Variants in FMNL2 observed in about 807,000 individuals in gnomAD.
FMNL2 encodes the protein formin-like protein 2.
In FMNL2, 51 loss-of-function variants were observed where a neutral mutation model predicts 130.2. The ratio of observed to expected loss-of-function variants is 0.39; its 90% CI spans 0.31 to 0.49. The LOEUF (loss-of-function observed/expected upper bound fraction) is 0.49. FMNL2 is among the 20% of genes least tolerant of loss of function. The pLI is 0.85. For missense variants in FMNL2, 977 were observed against 1,316.2 expected (o/e 0.74, Z 3.99); for synonymous variants, 465 against 467.1 (o/e 1.00, Z 0.06).
intron 1 of FMNL2, among the ~76,000 whole-genome samples, chr2:152,395,103 T>A (rs562833428): frequency 3.3e-5 from 5 of 152,250 alleles, no homozygotes; most frequent in East Asian, 1.9e-4. Flanking sequence ...AGCTGTAATT[T>A]AAAAAAAATC....
At chr2:152,336,966 G>T (rs529134769) in intron 1 of FMNL2, among the ~76,000 whole-genome samples, 1 of 152,298 alleles carries the variant, frequency 6.6e-6, no homozygotes, top group South Asian at 2.1e-4. Flanking sequence ...TCTGAGGTGT[G>T]CTCAGCTACA....
intron 1 of FMNL2, among the ~76,000 whole-genome samples, chr2:152,375,237 C>T (rs1170575136): frequency 2.0e-5 from 3 of 152,190 alleles, no homozygotes; most frequent in Non-Finnish European, 4.4e-5. Context: ...CTCTCTGGAG[C>T]ACTGAACAGG....
rs147493104 is a variant in FMNL2, at chr2:152,629,509, A to G, written c.2401-147A>G. 1,072 of 685,676 alleles carry G rather than the reference A, an allele frequency of 1.6e-3. 7 individuals are homozygous for G. In the African/African-American group the frequency reaches 0.018, roughly 12 times the overall value. The allele number at this position is 685,676 out of a possible 1,614,324, so 42.5% of individuals were successfully genotyped here. On this transcript the variant is annotated intron_variant, in intron 18 of 25. Coordinates refer to ENST00000288670, the MANE Select transcript of FMNL2 (RefSeq NM_052905.4). Reference sequence around the variant, plus strand: ...ACCTAGCAAGACAATTAAATTTGTTATACTTAGAAAAAGTAGACTCTCACC... The same window carrying G: ...ACCTAGCAAGACAATTAAATTTGTTGTACTTAGAAAAAGTAGACTCTCACC...
intron 1 of FMNL2, among the ~76,000 whole-genome samples, chr2:152,521,029 A>G (rs1693059318): frequency 6.6e-6 from 1 of 152,212 alleles, no homozygotes; most frequent in Non-Finnish European, 1.5e-5. Flanking sequence ...ATAAATAGGT[A>G]TAATACTTTA....
chr2:152,569,142 G>T (rs1451567040), intron 6 of FMNL2, among the ~76,000 whole-genome samples: 1 of 145,516 alleles, frequency 6.9e-6, no homozygotes, highest in African/African-American at 2.6e-5. Flanking sequence ...TTTGTGATGG[G>T]TAGTGGTTTA....
chr2:152,530,321 CTT>C (rs1388142412), intron 2 of FMNL2, among the ~76,000 whole-genome samples: 1 of 152,134 alleles, frequency 6.6e-6, no homozygotes, highest in Non-Finnish European at 1.5e-5. Context: ...AACTCATACT[CTT>C]TGTTTGTAGA....
chr2:152,597,617 C>T (rs576197307), intron 9 of FMNL2, among the ~76,000 whole-genome samples: 1 of 152,342 alleles, frequency 6.6e-6, no homozygotes, highest in Non-Finnish European at 1.5e-5. Context: ...TGCTATGGCA[C>T]TGGCAGTATT....
At position 152,641,879 on chromosome 2, in the gene FMNL2, A is replaced by G. The variant is rs2105971426; in HGVS notation, c.3169+965A>G. On this transcript the variant is annotated intron_variant, in intron 25 of 25. Transcript: ENST00000288670. ...ATCCCTTAATATCAAATATCTAGTC[A>G]TTAGTTCACATTTCCCCAACTGTCC... Among the ~76,000 whole-genome samples the G allele has an allele frequency of 2.0e-5, 3 of 152,326 alleles. No homozygotes were observed. The Middle Eastern group carries it at 0.01, about 518-fold the overall frequency.
intron 9 of FMNL2, among the ~76,000 whole-genome samples, chr2:152,597,634 T>C (rs1035027287): frequency 1.3e-5 from 2 of 152,228 alleles, no homozygotes; most frequent in African/African-American, 4.8e-5. Flanking sequence ...TATTCACTCA[T>C]TGTTCCTTTT....
intron 1 of FMNL2, among the ~76,000 whole-genome samples, chr2:152,441,809 T>C (rs2106132409): frequency 6.7e-6 from 1 of 148,994 alleles, no homozygotes; most frequent in Non-Finnish European, 1.5e-5. Flanking sequence ...CACTCCAGCC[T>C]GGGCAACAGA....
chr2:152,615,732 CA>C (rs1172181705), intron 12 of FMNL2, among the ~76,000 whole-genome samples: 2 of 152,150 alleles, frequency 1.3e-5, no homozygotes, highest in African/African-American at 4.8e-5. Flanking sequence ...TTATGAAGAC[CA>C]AATTCTTTTG....
At chr2:152,565,566 C>G (rs1312341578) in intron 6 of FMNL2, among the ~76,000 whole-genome samples, 1 of 152,022 alleles carries the variant, frequency 6.6e-6, no homozygotes, top group African/African-American at 2.4e-5. Flanking sequence ...TATATAATCC[C>G]GCTCATTTTT....
intron 19 of FMNL2, 36 bp from the exon 20 acceptor site, chr2:152,629,789 G>A (rs1246439725): frequency 1.2e-6 from 2 of 1,607,562 alleles, no homozygotes; most frequent in African/African-American, 1.3e-5. Flanking sequence ...CTGATGTGCT[G>A]TACTGATGGG....
At chr2:152,520,541 G>A (rs1208459801) in intron 1 of FMNL2, among the ~76,000 whole-genome samples, 1 of 150,888 alleles carries the variant, frequency 6.6e-6, no homozygotes, top group Non-Finnish European at 1.5e-5. Flanking sequence ...GTTGCAGTGA[G>A]CCGAGATCGT....
At chr2:152,597,872 A>G (rs1403099363) in intron 9 of FMNL2, among the ~76,000 whole-genome samples, 2 of 152,220 alleles carry the variant, frequency 1.3e-5, no homozygotes, top group African/African-American at 2.4e-5. Flanking sequence ...CTTAAGACCC[A>G]GAGGTGACTG....
chr2:152,511,948 CTT>C (rs1692515803), intron 1 of FMNL2, among the ~76,000 whole-genome samples: 1 of 152,136 alleles, frequency 6.6e-6, no homozygotes, highest in African/African-American at 2.4e-5. Flanking sequence ...TGAGTTTACT[CTT>C]CAGATCTTAT....
chr2:152,354,817 A>G (rs931219140), intron 1 of FMNL2, among the ~76,000 whole-genome samples: 1 of 152,208 alleles, frequency 6.6e-6, no homozygotes, highest in East Asian at 1.9e-4. Context: ...AGTCTGAGAT[A>G]AAATTCTCTG....
intron 1 of FMNL2, among the ~76,000 whole-genome samples, chr2:152,479,986 T>C (rs1690403235): frequency 6.6e-6 from 1 of 152,216 alleles, no homozygotes; most frequent in Admixed American, 6.5e-5. Flanking sequence ...TATAACTCGT[T>C]CGGCGGAAGA....
intron 9 of FMNL2, among the ~76,000 whole-genome samples, chr2:152,606,689 C>G (rs72871107): frequency 0.056 from 6,675 of 119,072 alleles, 243 homozygotes; most frequent in Middle Eastern, 0.26. Context: ...ATGCAAATAC[C>G]TTTGGGCCCT....
Sources: gnomAD v4.1 joint callset for allele counts (sites outside exome capture counted in the v4.1 genomes callset) on GRCh38, gnomAD v4.1.1 for gene constraint, MANE v1.5 for transcripts, NCBI Gene and HGNC (gene_info 2026-07-23, HGNC 2026-07-21) for gene names.